Variants in ACAP2 observed in about 807,000 individuals in gnomAD.
ACAP2 encodes ArfGAP with coiled-coil, ankyrin repeat and PH domains 2, also known as arf-GAP with coiled-coil, ANK repeat and PH domain-containing protein 2.
Under a neutral mutation model 115.8 loss-of-function variants are expected in ACAP2, and 39 were observed. The ratio of observed to expected loss-of-function variants is 0.34; its 90% CI spans 0.26 to 0.44. The LOEUF is 0.44. Ranked by LOEUF, ACAP2 falls within the 20% of genes least tolerant of loss-of-function variation. The probability of loss-of-function intolerance (pLI) is 1.00; values close to 1 mark genes in which losing one functional copy is unlikely to be tolerated. For synonymous variants in ACAP2, 289 were observed against 315.8 expected, an observed-to-expected ratio of 0.92 and a Z score of 0.90; for missense variants, 662 against 927.6, an observed-to-expected ratio of 0.71 and a Z score of 3.72.
At chr3:195,352,139 T>C (rs1560276447) in intron 4 of ACAP2, among the ~76,000 whole-genome samples, 2 of 152,242 alleles carry the variant, frequency 1.3e-5, no homozygotes, top group African/African-American at 4.8e-5. Context: ...ACTGTACTTT[T>C]TCTATGTTTA....
chr3:195,327,404 G>A (rs1013314580), intron 8 of ACAP2, among the ~76,000 whole-genome samples: 2 of 152,086 alleles, frequency 1.3e-5, no homozygotes, highest in Non-Finnish European at 2.9e-5. Flanking sequence ...AGCTAACCTA[G>A]CTCTCACAAA....
intron 8 of ACAP2, among the ~76,000 whole-genome samples, chr3:195,328,264 A>G (rs914249796): frequency 2.0e-5 from 3 of 152,192 alleles, no homozygotes; most frequent in African/African-American, 7.2e-5. Context: ...ATAAGCATTA[A>G]ATGTCTACAC....
At chr3:195,410,122 T>C (rs1343542414) in intron 1 of ACAP2, among the ~76,000 whole-genome samples, 1 of 152,036 alleles carries the variant, frequency 6.6e-6, no homozygotes, top group Non-Finnish European at 1.5e-5. Context: ...AACCCTCATA[T>C]ATATATTCAA....
intron 4 of ACAP2, among the ~76,000 whole-genome samples, chr3:195,347,369 G>A (rs1431098853): frequency 2.0e-5 from 3 of 152,092 alleles, no homozygotes; most frequent in Non-Finnish European, 4.4e-5. Flanking sequence ...GTATTAAAAA[G>A]AGAGAACTAC....
chr3:195,340,776 AGT>A (rs1282163231), intron 6 of ACAP2, among the ~76,000 whole-genome samples: 2 of 152,206 alleles, frequency 1.3e-5, no homozygotes, highest in African/African-American at 2.4e-5. Context: ...AGTACCCTGT[AGT>A]GTGGGTACAC....
At chr3:195,360,593 G>A (rs762475038) in intron 4 of ACAP2, among the ~76,000 whole-genome samples, 44 of 152,108 alleles carry the variant, frequency 2.9e-4, no homozygotes, top group Non-Finnish European at 3.7e-4. Flanking sequence ...TCAGGAGTTC[G>A]AGACCAGCCT....
At chr3:195,414,610 A>G (rs2108818006) in intron 1 of ACAP2, among the ~76,000 whole-genome samples, 1 of 152,320 alleles carries the variant, frequency 6.6e-6, no homozygotes, top group East Asian at 1.9e-4. Context: ...AAAGAAATGG[A>G]AAAACCTTAC....
intron 1 of ACAP2, among the ~76,000 whole-genome samples, chr3:195,404,143 C>T (rs1451991000): frequency 1.3e-5 from 2 of 152,094 alleles, no homozygotes; most frequent in Admixed American, 1.3e-4. Context: ...GAGTTCAAGA[C>T]CAGCCTAGGC....
intron 13 of ACAP2, among the ~76,000 whole-genome samples, chr3:195,305,777 T>G (rs1441602980): frequency 6.6e-6 from 1 of 151,970 alleles, no homozygotes; most frequent in Non-Finnish European, 1.5e-5. Context: ...ATTCCTACTT[T>G]CATCTCTAAG....
intron 4 of ACAP2, among the ~76,000 whole-genome samples, chr3:195,368,687 ACTT>A (rs757315902): frequency 2.0e-4 from 31 of 152,258 alleles, no homozygotes; most frequent in South Asian, 6.2e-4. Context: ...TTCAGCTGTT[ACTT>A]CTTCATTTTT....
chr3:195,309,300 G>A (rs942193273), intron 10 of ACAP2, among the ~76,000 whole-genome samples: 2 of 152,052 alleles, frequency 1.3e-5, no homozygotes, highest in African/African-American at 4.8e-5. Flanking sequence ...CCAGCACTTC[G>A]GGAGGCCAAA....
intron 1 of ACAP2, among the ~76,000 whole-genome samples, chr3:195,433,156 G>A (rs1176005288): frequency 1.3e-5 from 2 of 151,988 alleles, no homozygotes; most frequent in Admixed American, 6.6e-5. Flanking sequence ...TATATAAAAT[G>A]GCACTGTATT....
rs542924592 is a variant in ACAP2, at chr3:195,423,495, C to T, written c.53+19300G>A. Among the ~76,000 whole-genome samples the T allele has an allele frequency of 2.7e-4, 41 of 151,936 alleles. 2 individuals carry two copies. The highest frequency in any genetic ancestry group is 4.2e-4 in the South Asian group (2 of 4,802). ...AAAATTAGCCGGGTGTGATGGCAGG[C>T]GCCTGTAATCCCAGCTACTTGGGAG... On this transcript the variant is annotated intron_variant, in intron 1 of 22. Transcript: ENST00000326793.
intron 1 of ACAP2, among the ~76,000 whole-genome samples, chr3:195,401,748 A>T (rs1002881286): frequency 2.6e-5 from 4 of 152,324 alleles, no homozygotes; most frequent in African/African-American, 9.6e-5. Context: ...CCCCAGAATC[A>T]CAGAATCTTG....
intron 18 of ACAP2, among the ~76,000 whole-genome samples, 188 bp from the exon 19 acceptor site, chr3:195,292,640 G>A (rs1473394737): frequency 6.6e-6 from 1 of 152,030 alleles, no homozygotes; most frequent in East Asian, 1.9e-4. Flanking sequence ...GGTTAAGATG[G>A]GCCAGGCACG....
intron 22 of ACAP2, among the ~76,000 whole-genome samples, chr3:195,280,284 C>T (rs958467679): frequency 6.6e-6 from 1 of 152,064 alleles, no homozygotes; most frequent in Non-Finnish European, 1.5e-5. Flanking sequence ...ACCGCCCGGC[C>T]AACATGATGA....
intron 4 of ACAP2, among the ~76,000 whole-genome samples, chr3:195,376,931 C>G (rs1383662752): frequency 6.6e-6 from 1 of 152,020 alleles, no homozygotes; most frequent in Non-Finnish European, 1.5e-5. Context: ...CCTAATCATC[C>G]TTTATATTGG....
chr3:195,315,896 A>G (rs1188967957), intron 10 of ACAP2, among the ~76,000 whole-genome samples: 1 of 152,228 alleles, frequency 6.6e-6, no homozygotes, highest in Non-Finnish European at 1.5e-5. Flanking sequence ...GAAAAGGTTC[A>G]TGTATAAATC....
chr3:195,384,537 G>A (rs1734161636), intron 2 of ACAP2, among the ~76,000 whole-genome samples: 1 of 151,930 alleles, frequency 6.6e-6, no homozygotes, highest in Non-Finnish European at 1.5e-5. Flanking sequence ...GACCAGCCTG[G>A]CCAATGTGGC....
Sources: gnomAD v4.1 joint callset for allele counts (sites outside exome capture counted in the v4.1 genomes callset) on GRCh38, gnomAD v4.1.1 for gene constraint, MANE v1.5 for transcripts, NCBI Gene and HGNC (gene_info 2026-07-23, HGNC 2026-07-21) for gene names.